PSD3: variants seen among roughly 807,000 people sequenced by gnomAD.
The protein encoded by PSD3 is PH and SEC7 domain-containing protein 3.
PSD3 carries 49 observed loss-of-function variants against 105.5 expected under a neutral mutation model. That is an observed-to-expected ratio of 0.46 (90% CI 0.37 to 0.59). The LOEUF is 0.59. PSD3 is among the 20% of genes least tolerant of loss of function. PSD3 has a pLI of 0.00. For synonymous variants in PSD3, 557 were observed against 457.8 expected (o/e 1.22, Z -2.77); for missense variants, 1,561 against 1,263.8 (o/e 1.24, Z -3.57).
At chr8:18,799,151 T>C in intron 8 of PSD3, 144 bp downstream of exon 8, 1 of 716,370 alleles carries the variant, frequency 1.4e-6, no homozygotes, top group Non-Finnish European at 2.4e-6. Flanking sequence ...TTATTTCTTT[T>C]TTCAAAGATT....
In PSD3 at chr8:18,871,999, A is replaced by T. The variant is rs750226660; in HGVS notation, c.865T>A (p.Ser289Thr). Residue 289 changes from serine (S) to threonine (T), a missense_variant, in exon 3 of 16, where the codon TCC (serine) becomes ACC (threonine). Physicochemically the swap from Ser to Thr is moderately conservative, Grantham distance 58 (BLOSUM62 1). Transcript: ENST00000327040. ...TTGACCCGGCCTGGGCGTCCCATGG[A>T]GCTGCTTCGATCACATCCCCCTGGG... ...EHPGGCDRSS[S>T]MGRPGRVKHV... The T allele has an allele frequency of 6.2e-7, 1 of 1,614,038 alleles. No homozygotes were observed. Among genetic ancestry groups the T allele is most frequent in the Non-Finnish European group, 8.5e-7 (1 of 1,179,998 alleles).
chr8:18,539,362 A>C (rs1356933695), intron 15 of PSD3, among the ~76,000 whole-genome samples: 1 of 152,120 alleles, frequency 6.6e-6, no homozygotes. Context: ...CTTTCTGGGC[A>C]GTAGGAAGGT....
rs190756894 is a variant in PSD3 at position 18,628,467 on chromosome 8, C to G, written c.2410+4146G>C. Among the ~76,000 whole-genome samples, 509 of 151,654 alleles carry G rather than the reference C, an allele frequency of 3.4e-3. 3 individuals carry two copies. Among genetic ancestry groups the G allele is most frequent in the Non-Finnish European group, 5.6e-3 (378 of 67,806 alleles). ...AGTATTGAAAGGAAAAACAACCTGC[C>G]AAAGGATTCTATACCCAGTGAATAT... On this transcript the variant is annotated intron_variant, in intron 11 of 15. Coordinates refer to ENST00000327040, the MANE Select transcript of PSD3 (RefSeq NM_015310.4).
chr8:18,562,546 G>A (rs1979598), intron 14 of PSD3, among the ~76,000 whole-genome samples: 84,120 of 151,890 alleles, frequency 0.55, 23,507 homozygotes, highest in Non-Finnish European at 0.61. Flanking sequence ...GCTCTCAAAC[G>A]TGCAGGCTGG....
intron 4 of PSD3, among the ~76,000 whole-genome samples, chr8:18,828,043 ATATGTATATATATATATATATATAT>A (rs1474458610): frequency 3.2e-5 from 4 of 126,150 alleles, no homozygotes; most frequent in Non-Finnish European, 6.5e-5. Flanking sequence ...TATAATATAT[ATATGTATATATATATATATATATAT>A]TTTTTTTTTT....
At chr8:18,878,103 G>C (rs1222618872) in intron 2 of PSD3, among the ~76,000 whole-genome samples, 2 of 151,992 alleles carry the variant, frequency 1.3e-5, no homozygotes, top group Non-Finnish European at 2.9e-5. Context: ...ACCATGGGCT[G>C]TCTTTTCACT....
intron 4 of PSD3, among the ~76,000 whole-genome samples, chr8:18,823,773 AACACACTCACACACACAC>A (rs1177836105): frequency 5.2e-5 from 7 of 134,816 alleles, no homozygotes; most frequent in African/African-American, 7.8e-5. Flanking sequence ...CTTTATCTTA[AACACACTCACACACACAC>A]ACACACACAC....
intron 12 of PSD3, among the ~76,000 whole-genome samples, chr8:18,583,215 G>C (rs1460905227): frequency 6.6e-6 from 1 of 152,120 alleles, no homozygotes; most frequent in Non-Finnish European, 1.5e-5. Context: ...AAGGCAGGAG[G>C]ATCGCTTAAG....
intron 11 of PSD3, among the ~76,000 whole-genome samples, chr8:18,610,002 G>A (rs1484330180): frequency 2.0e-5 from 3 of 152,174 alleles, no homozygotes; most frequent in Non-Finnish European, 2.9e-5. Context: ...TTATAGCAGC[G>A]TGGTAGCACT....
At chr8:18,885,007 A>G (rs1216215351) in intron 2 of PSD3, among the ~76,000 whole-genome samples, 1 of 152,216 alleles carries the variant, frequency 6.6e-6, no homozygotes, top group African/African-American at 2.4e-5. Context: ...CTAAGCTGTA[A>G]GAGCTGAATT....
At chr8:19,070,274 C>G (rs1283112133) in intron 1 of PSD3, among the ~76,000 whole-genome samples, 1 of 151,304 alleles carries the variant, frequency 6.6e-6, no homozygotes, top group Non-Finnish European at 1.5e-5. Flanking sequence ...TTTTCCTGCA[C>G]TCCATCAGCA....
intron 9 of PSD3, among the ~76,000 whole-genome samples, chr8:18,756,546 A>T (rs202240662): frequency 2.0e-4 from 25 of 124,908 alleles, no homozygotes; most frequent in Non-Finnish European, 3.3e-4. Context: ...TTTGGATTCA[A>T]AATGACGTTA....
At chr8:18,942,073 T>A (rs1053895410) in intron 1 of PSD3, among the ~76,000 whole-genome samples, 1 of 151,860 alleles carries the variant, frequency 6.6e-6, no homozygotes, top group Non-Finnish European at 1.5e-5. Flanking sequence ...TGGTTTTCAG[T>A]TGATTTGGGA....
At chr8:18,845,113 T>C (rs1814979269) in intron 4 of PSD3, among the ~76,000 whole-genome samples, 1 of 152,208 alleles carries the variant, frequency 6.6e-6, no homozygotes, top group South Asian at 2.1e-4. Flanking sequence ...GGTAAAAATA[T>C]GGTATCTTGT....
chr8:18,748,397 A>G (rs1292691692), intron 9 of PSD3, among the ~76,000 whole-genome samples: 1 of 152,058 alleles, frequency 6.6e-6, no homozygotes, highest in Non-Finnish European at 1.5e-5. Context: ...GCGATGGCTC[A>G]CACCTGTAAT....
At chr8:18,867,651 A>G (rs901238136) in intron 4 of PSD3, 23 bp downstream of exon 4, 10 of 1,565,904 alleles carry the variant, frequency 6.4e-6, no homozygotes, top group Non-Finnish European at 8.7e-6. Flanking sequence ...CCAGCATGAA[A>G]TGAATGAGAA....
chr8:18,693,230 A>G (rs1189271795), intron 9 of PSD3, among the ~76,000 whole-genome samples: 1 of 152,152 alleles, frequency 6.6e-6, no homozygotes, highest in African/African-American at 2.4e-5. Context: ...ACGACCTTAA[A>G]TACAACAAAC....
intron 2 of PSD3, among the ~76,000 whole-genome samples, chr8:18,920,163 C>T (rs889480138): frequency 1.3e-5 from 2 of 151,948 alleles, no homozygotes; most frequent in Admixed American, 1.3e-4. Context: ...TGCCCTGATG[C>T]TTAGGAACCA....
intron 1 of PSD3, among the ~76,000 whole-genome samples, chr8:19,074,611 A>ATATATATATATATATTT (rs1324257417): frequency 8.3e-5 from 2 of 24,226 alleles, no homozygotes; most frequent in African/African-American, 1.6e-4. Flanking sequence ...ATATATATAT[A>ATATATATATATATATTT]TTTTTTTTTT....
Sources: allele counts gnomAD v4.1 joint callset (sites outside exome capture counted in the v4.1 genomes callset), GRCh38; gene constraint gnomAD v4.1.1; transcripts MANE v1.5; gene names NCBI Gene and HGNC (gene_info 2026-07-23, HGNC 2026-07-21).